Variants in PTPN21 observed in about 807,000 individuals in gnomAD.
PTPN21 encodes tyrosine-protein phosphatase non-receptor type 21.
PTPN21 carries 77 observed loss-of-function variants against 131.8 expected under a neutral mutation model. The observed-to-expected ratio is 0.58, with a 90% confidence interval of 0.49 to 0.71. The LOEUF (loss-of-function observed/expected upper bound fraction) is 0.71. PTPN21 is among the 30% of genes least tolerant of loss of function. The probability of loss-of-function intolerance (pLI) is 0.00; values close to 1 mark genes in which losing one functional copy is unlikely to be tolerated. For synonymous variants in PTPN21, 715 were observed against 621.3 expected (o/e 1.15, Z -2.24); for missense variants, 1,552 against 1,527.1 (o/e 1.02, Z -0.27).
At chr14:88,503,600 T>C (rs1200378383) in intron 6 of PTPN21, among the ~76,000 whole-genome samples, 1 of 152,202 alleles carries the variant, frequency 6.6e-6, no homozygotes, top group East Asian at 1.9e-4. Flanking sequence ...ATATTCAACA[T>C]TATAAAATAT....
At chr14:88,528,517 T>C (rs865908657) in intron 2 of PTPN21, among the ~76,000 whole-genome samples, 1 of 152,386 alleles carries the variant, frequency 6.6e-6, no homozygotes. Context: ...AAAACTTTAC[T>C]GATATGGTTT....
intron 2 of PTPN21, among the ~76,000 whole-genome samples, chr14:88,542,435 T>C (rs1425412739): frequency 6.6e-6 from 1 of 151,634 alleles, no homozygotes; most frequent in Non-Finnish European, 1.5e-5. Context: ...TAATTCCACA[T>C]GGTCCTGAGA....
At chr14:88,542,808 C>A (rs1256960474) in intron 2 of PTPN21, among the ~76,000 whole-genome samples, 1 of 152,192 alleles carries the variant, frequency 6.6e-6, no homozygotes, top group East Asian at 1.9e-4. Context: ...CTTTCTCTAT[C>A]TAGGTGAGAG....
rs775105285 is a variant in PTPN21, at chr14:88,472,420, C to G, written c.2695G>C (p.Glu899Gln). The change falls in exon 15 of 19, where the codon GAA (glutamate) becomes CAA (glutamine). Residue 899 changes from glutamate to glutamine, a missense_variant. This residue lies in a region of PTPN21 where 316 missense variants were observed against 378.5 expected (regional missense o/e 0.83). Transcript: ENST00000556564. ...CGTTTCTTAAGAATTCTTTCATATT[C>G]TGTGAATACCATTCCTTGTTCTAAT... ...QRLEQGMVFT[E>Q]YERILKKRLV... 1.2e-6 allele frequency: 2 copies of G among 1,613,898 alleles called. No individual in the cohort carries two copies. The highest frequency in any genetic ancestry group is 1.7e-6 in the Non-Finnish European group (2 of 1,179,786).
In PTPN21 at chr14:88,485,792, C is replaced by T. The variant is rs1193844403; in HGVS notation, c.983G>A (p.Arg328Lys). The change falls in exon 11 of 19, where the codon AGG (arginine) becomes AAG (lysine). Residue 328 changes from arginine to lysine, a missense_variant. Physicochemically the swap from Arg to Lys is conservative, Grantham distance 26 (BLOSUM62 2). This residue lies in a region of PTPN21 where 1,016 missense variants were observed against 883.5 expected (regional missense o/e 1.15). Coordinates refer to ENST00000556564, the MANE Select transcript of PTPN21 (RefSeq NM_007039.4). The stretch of plus-strand genomic sequence containing the variant: ...TTCCTTGTTTCTTACCAGAGACATC[C>T]TTGAAGAAGACCTCCTCCTGATTGG... ...VNPIRRRSSS[R>K]MSLPKPQPYV... is the part of the protein sequence containing the mutation. 2.5e-6 allele frequency: 4 copies of T among 1,605,154 alleles called. No individual in the cohort carries two copies. Among genetic ancestry groups the T allele is most frequent in the Non-Finnish European group, 3.4e-6 (4 of 1,172,692 alleles).
intron 15 of PTPN21, among the ~76,000 whole-genome samples, 165 bp downstream of exon 15, chr14:88,472,079 C>G (rs922797748): frequency 6.6e-6 from 1 of 152,152 alleles, no homozygotes. Context: ...GCTTGCAGTA[C>G]AGTTTGTCAC....
At chr14:88,486,355 C>T (rs540799466) in intron 10 of PTPN21, among the ~76,000 whole-genome samples, 77 of 152,260 alleles carry the variant, frequency 5.1e-4, no homozygotes, top group Non-Finnish European at 9.7e-4. Context: ...CTGTTAACCA[C>T]AGACTACAAA....
intron 10 of PTPN21, among the ~76,000 whole-genome samples, chr14:88,489,466 C>T (rs1027258483): frequency 6.6e-6 from 1 of 151,728 alleles, no homozygotes; most frequent in African/African-American, 2.4e-5. Flanking sequence ...ACAGCAAGAC[C>T]CCATCTCTAA....
In PTPN21 at chr14:88,542,607, T is replaced by G. The variant is rs574715872; in HGVS notation, c.180+7631A>C. ...ACTCTATTCTTCAAATAAACAGGTT[T>G]CCAAATTCTGCAATAACTTGTGATT... On this transcript the variant is annotated intron_variant, in intron 2 of 18. Transcript: ENST00000556564. 2.2e-3 allele frequency among the ~76,000 whole-genome samples: 339 copies of G among 152,346 alleles called. 16 individuals carry two copies. The South Asian group carries it at 0.064, about 29-fold the overall frequency.
chr14:88,530,244 A>G (rs954081936), intron 2 of PTPN21, among the ~76,000 whole-genome samples: 2 of 152,196 alleles, frequency 1.3e-5, no homozygotes, highest in Non-Finnish European at 2.9e-5. Context: ...ATTTGCCACT[A>G]CCAAGCCAGC....
At chr14:88,530,285 T>C (rs2078537122) in intron 2 of PTPN21, among the ~76,000 whole-genome samples, 1 of 152,158 alleles carries the variant, frequency 6.6e-6, no homozygotes, top group African/African-American at 2.4e-5. Context: ...GAGCTCTTAA[T>C]CTTGAAACAA....
chr14:88,478,461 T>C (rs562523023), intron 13 of PTPN21, among the ~76,000 whole-genome samples: 2 of 152,112 alleles, frequency 1.3e-5, no homozygotes, highest in African/African-American at 4.8e-5. Flanking sequence ...ACCTGGAGAA[T>C]TATATTAGGA....
rs188666124 is a variant in PTPN21 at position 88,527,718 on chromosome 14, A to C, written c.181-10457T>G. Among the ~76,000 whole-genome samples the C allele has an allele frequency of 1.1e-3, 161 of 151,744 alleles. 2 individuals are homozygous for C. In the East Asian group the frequency reaches 0.024, roughly 22 times the overall value. On this transcript the variant is annotated intron_variant, in intron 2 of 18. Coordinates refer to ENST00000556564, the MANE Select transcript of PTPN21 (RefSeq NM_007039.4). ...TTTGTTTTTGGGTTTTTGGTCACAG[A>C]CTCTTTGCCTAGGCCAATGTCTAGA... is the stretch of plus-strand genomic sequence containing the variant.
At chr14:88,477,932 A>G (rs1056141167) in intron 13 of PTPN21, among the ~76,000 whole-genome samples, 1 of 152,242 alleles carries the variant, frequency 6.6e-6, no homozygotes, top group African/African-American at 2.4e-5. Flanking sequence ...ATTATGACTT[A>G]ATAGAACATA....
At chr14:88,482,783 A>T (rs2077671178) in intron 12 of PTPN21, among the ~76,000 whole-genome samples, 1 of 151,864 alleles carries the variant, frequency 6.6e-6, no homozygotes, top group Admixed American at 6.6e-5. Context: ...CAGAAGGTAC[A>T]AAGGCTTGAA....
At chr14:88,550,945 G>T (rs1334465796) in intron 1 of PTPN21, among the ~76,000 whole-genome samples, 1 of 152,180 alleles carries the variant, frequency 6.6e-6, no homozygotes, top group East Asian at 1.9e-4. Flanking sequence ...ATAAGGTGTT[G>T]TTTTTTCATA....
intron 3 of PTPN21, among the ~76,000 whole-genome samples, chr14:88,510,131 G>T (rs1422342842): frequency 6.6e-6 from 1 of 152,218 alleles, no homozygotes; most frequent in African/African-American, 2.4e-5. Flanking sequence ...ATACTGTTAT[G>T]AGAATTGACT....
At chr14:88,474,016 G>A in intron 13 of PTPN21, 1 of 423,738 alleles carries the variant, frequency 2.4e-6, no homozygotes, top group Non-Finnish European at 4.1e-6. Context: ...AAGTCTTCCA[G>A]ATAGAAGGTT....
rs191653544 is a variant in PTPN21 at position 88,505,486 on chromosome 14, A to C, written c.449-115T>G. On this transcript the variant is annotated intron_variant, in intron 4 of 18. Transcript: ENST00000556564. ...TGGTATGCTAATATTTCAGAAGTCA[A>C]ATTTGTTATAGCTATATAAAGTATA... The C allele has an allele frequency of 1.7e-3, 1,095 of 635,810 alleles. 12 individuals carry two copies. The African/African-American group carries it at 0.019, about 11-fold the overall frequency. 39.4% of individuals were successfully genotyped at this position (635,810 alleles called of 1,614,324 possible).
Sources: gnomAD v4.1 joint callset for allele counts (sites outside exome capture counted in the v4.1 genomes callset) on GRCh38, gnomAD v4.1.1 for gene constraint, gnomAD v4.1.1 regional missense constraint, MANE v1.5 for transcripts, NCBI Gene and HGNC (gene_info 2026-07-23, HGNC 2026-07-21) for gene names.